ARHGEF18: variants seen among roughly 807,000 people sequenced by gnomAD.
ARHGEF18 encodes the protein rho guanine nucleotide exchange factor 18.
ARHGEF18 carries 93 observed loss-of-function variants against 155.7 expected under a neutral mutation model. That is an observed-to-expected ratio of 0.60 (90% CI 0.50 to 0.71). The LOEUF is 0.71. Ranked by LOEUF, ARHGEF18 falls within the 30% of genes least tolerant of loss-of-function variation. The probability of loss-of-function intolerance (pLI) is 0.00; values close to 1 mark genes in which losing one functional copy is unlikely to be tolerated. For missense variants in ARHGEF18, 1,593 were observed against 1,816.1 expected (o/e 0.88, Z 2.23); for synonymous variants, 742 against 753.1 (o/e 0.99, Z 0.24).
At chr19:7,422,662 TCTC>T (rs1401327262) in intron 10 of ARHGEF18, among the ~76,000 whole-genome samples, 2 of 151,312 alleles carry the variant, frequency 1.3e-5, no homozygotes, top group African/African-American at 4.9e-5. Context: ...GGACTGGAGA[TCTC>T]CTCTCAAACA....
chr19:7,424,768 G>A (rs187017937), intron 10 of ARHGEF18, among the ~76,000 whole-genome samples: 119 of 152,250 alleles, frequency 7.8e-4, no homozygotes, highest in African/African-American at 2.7e-3. Flanking sequence ...GGCCGAGGCG[G>A]GCGGATCACG....
intron 10 of ARHGEF18, among the ~76,000 whole-genome samples, chr19:7,405,000 C>G (rs761702448): frequency 1.2e-4 from 19 of 152,142 alleles, no homozygotes; most frequent in Non-Finnish European, 2.5e-4. Context: ...CTCACTCACC[C>G]AGGCTGGAGT....
rs549053506 is a variant in ARHGEF18, at chr19:7,451,262, G to A, written c.1851G>A (p.Thr617=). The A allele has an allele frequency of 1.9e-5, 31 of 1,613,736 alleles. No homozygotes were observed. Among genetic ancestry groups the A allele is most frequent in the Middle Eastern group, 1.6e-4 (1 of 6,062 alleles). ...PVLVERIIQN[T]EAGTEDYEDL... ...TGGTGGAGCGCATCATCCAGAACAC[G>A]GAAGGTAGGCCTTCTCCCCACTGCC... Residue 617 remains threonine, a synonymous_variant, in exon 16 of 29, where the codon ACG becomes ACA. Coordinates refer to ENST00000668164, the MANE Select transcript of ARHGEF18 (RefSeq NM_001367823.1).
intron 10 of ARHGEF18, among the ~76,000 whole-genome samples, chr19:7,434,940 G>A (rs764288582): frequency 2.0e-5 from 3 of 152,190 alleles, no homozygotes; most frequent in South Asian, 2.1e-4. Context: ...AGTGGCTCAC[G>A]CCTGTAATCC....
In ARHGEF18 at chr19:7,464,630, C is replaced by G. The variant is rs142250620; in HGVS notation, c.2844C>G (p.Ser948Arg). 6.2e-7 allele frequency: 1 copy of G among 1,613,992 alleles called. No individual in the cohort carries two copies. Among genetic ancestry groups the G allele is most frequent in the Non-Finnish European group, 8.5e-7 (1 of 1,179,994 alleles). Residue 948 changes from serine to arginine, a missense_variant, in exon 23 of 29, where the codon AGC becomes AGG. Ser to Arg is a moderately radical substitution (Grantham distance 110). Coordinates refer to ENST00000668164, the MANE Select transcript of ARHGEF18 (RefSeq NM_001367823.1). ...RPRDWRGPPN[S>R]PDLKLSDSDI... is the part of the protein sequence containing the mutation. ...GAGACTGGCGAGGCCCCCCAAACAG[C>G]CCGGACTTGAAGCTCAGTGACAGTG...
intron 10 of ARHGEF18, among the ~76,000 whole-genome samples, chr19:7,393,707 G>C (rs1971530282): frequency 6.6e-6 from 1 of 151,598 alleles, no homozygotes; most frequent in African/African-American, 2.4e-5. Context: ...CTGCCAAATA[G>C]CACCTGTGTG....
chr19:7,383,829 T>C (rs936296495), intron 10 of ARHGEF18, among the ~76,000 whole-genome samples: 2 of 96,340 alleles, frequency 2.1e-5, no homozygotes, highest in Non-Finnish European at 4.0e-5. Flanking sequence ...CACATGAATT[T>C]GATGGGTGGG....
At position 7,440,240 on chromosome 19, in the gene ARHGEF18, C is replaced by A. The variant is rs2145772080; in HGVS notation, c.968-104C>A. 1 of 1,552,498 alleles carries A rather than the reference C, an allele frequency of 6.4e-7. No homozygotes were observed. The highest frequency in any genetic ancestry group is 1.2e-5 in the South Asian group (1 of 84,272). On this transcript the variant is annotated intron_variant, in intron 10 of 28. Transcript: ENST00000668164. This position sits in a 1 kb window ranked among gnomAD's most constrained non-coding sequence, Gnocchi z 5.4. ...ATAACGAGCTGCTGACCTCCAAGATCCTGTCTGTGCTGCGGCCGCAGTCGG... is the reference window on the plus strand; with the variant it reads ...ATAACGAGCTGCTGACCTCCAAGATACTGTCTGTGCTGCGGCCGCAGTCGG...
intron 10 of ARHGEF18, among the ~76,000 whole-genome samples, chr19:7,385,632 C>T (rs1446023857): frequency 1.3e-5 from 2 of 151,582 alleles, no homozygotes; most frequent in African/African-American, 2.4e-5. Context: ...CCCACCACCA[C>T]GCCCAGCTAA....
In ARHGEF18 at chr19:7,444,659, C is replaced by T. The variant is rs781088202; in HGVS notation, c.1611+205C>T. On this transcript the variant is annotated intron_variant, in intron 14 of 28. Transcript: ENST00000668164. The surrounding 1 kb of genome is among the most constrained non-coding windows in gnomAD (Gnocchi z 4.7). ...CCAAGTAGCTGGGACTACAGCTATGCGCCACCATACCCGGCTAAATTTTAT... is the reference window on the plus strand; with the variant it reads ...CCAAGTAGCTGGGACTACAGCTATGTGCCACCATACCCGGCTAAATTTTAT... Among the ~76,000 whole-genome samples the T allele has an allele frequency of 9.2e-5, 14 of 152,226 alleles. No individual in the cohort carries two copies. Among genetic ancestry groups the T allele is most frequent in the Admixed American group, 5.9e-4 (9 of 15,282 alleles).
At chr19:7,407,983 A>AAAAAAAAAAAAAAAAAAAAAAAAAC (rs1555711562) in intron 10 of ARHGEF18, among the ~76,000 whole-genome samples, 1 of 141,868 alleles carries the variant, frequency 7.0e-6, no homozygotes, top group African/African-American at 3.1e-5. Flanking sequence ...AAAAAAAAAA[A>AAAAAAAAAAAAAAAAAAAAAAAAAC]AAAAGAGGTA....
chr19:7,433,212 A>G (rs1288242810), intron 10 of ARHGEF18, among the ~76,000 whole-genome samples: 2 of 151,760 alleles, frequency 1.3e-5, no homozygotes, highest in Non-Finnish European at 2.9e-5. Flanking sequence ...CACACCTGTA[A>G]TCCCAGCACT....
chr19:7,442,109 C>T, intron 13 of ARHGEF18, 57 bp downstream of exon 13: 1 of 1,564,336 alleles, frequency 6.4e-7, no homozygotes, highest in Non-Finnish European at 8.7e-7. Context: ...TTCTCTGCTC[C>T]CTCCCTTCCT....
At position 7,390,306 on chromosome 19, in the gene ARHGEF18, A is replaced by C. The variant is rs569230901; in HGVS notation, c.967+7103A>C. 2.0e-5 allele frequency among the ~76,000 whole-genome samples: 3 copies of C among 152,246 alleles called. No homozygotes were observed. In the East Asian group the frequency reaches 5.8e-4, roughly 29 times the overall value. ...AGGATCACTTGAGGTCAGGAGTTTGAGACCAGCCTGGCCAACATGGTAAGA... is the reference window on the plus strand; with the variant it reads ...AGGATCACTTGAGGTCAGGAGTTTGCGACCAGCCTGGCCAACATGGTAAGA... On this transcript the variant is annotated intron_variant, in intron 10 of 28. Transcript: ENST00000668164.
chr19:7,387,473 T>A (rs1315956370), intron 10 of ARHGEF18, among the ~76,000 whole-genome samples: 2 of 152,056 alleles, frequency 1.3e-5, no homozygotes, highest in East Asian at 1.9e-4. Flanking sequence ...TTTTTGAGTT[T>A]TTTTGTTTGT....
chr19:7,427,295 C>T (rs1973718644), intron 10 of ARHGEF18, among the ~76,000 whole-genome samples: 1 of 152,164 alleles, frequency 6.6e-6, no homozygotes, highest in Non-Finnish European at 1.5e-5. Context: ...ACCCAGTACC[C>T]TGGAGGGGGG....
intron 3 of ARHGEF18, among the ~76,000 whole-genome samples, chr19:7,375,340 AAGAAAAAG>A: frequency 7.7e-6 from 1 of 130,622 alleles, no homozygotes; most frequent in South Asian, 2.3e-4. Context: ...AAAAGGAAGA[AAGAAAAAG>A]AAAGAAAAGG....
intron 15 of ARHGEF18, among the ~76,000 whole-genome samples, chr19:7,447,640 G>C (rs995618751): frequency 2.0e-5 from 3 of 152,142 alleles, no homozygotes; most frequent in African/African-American, 4.8e-5. Flanking sequence ...GTTTGGTTTG[G>C]GTTTTAACTA....
At chr19:7,362,352 G>GAA (rs1969667140) in intron 1 of ARHGEF18, among the ~76,000 whole-genome samples, 1 of 150,522 alleles carries the variant, frequency 6.6e-6, no homozygotes, top group African/African-American at 2.5e-5. Context: ...AAGAGGAGGA[G>GAA]GAGGAAAAAC....
Sources: allele counts gnomAD v4.1 joint callset (sites outside exome capture counted in the v4.1 genomes callset), GRCh38; gene constraint gnomAD v4.1.1; non-coding constraint Gnocchi (gnomAD v3.1); transcripts MANE v1.5; gene names NCBI Gene and HGNC (gene_info 2026-07-23, HGNC 2026-07-21).